The following OSBPL9 variants were observed in gnomAD, a reference collection of about 807,000 sequenced individuals.
OSBPL9 encodes oxysterol-binding protein-related protein 9.
OSBPL9 carries 40 observed loss-of-function variants against 106.6 expected under a neutral mutation model. The observed-to-expected ratio is 0.38, with a 90% CI of 0.29 to 0.49. OSBPL9 has a LOEUF of 0.49. OSBPL9 is among the 20% of genes least tolerant of loss of function. The pLI, the probability that OSBPL9 is intolerant of heterozygous loss-of-function variation, is 0.97. For synonymous variants in OSBPL9, 269 were observed against 295.4 expected (o/e 0.91, Z 0.92); for missense variants, 609 against 887.2 (o/e 0.69, Z 3.98).
intron 2 of OSBPL9, among the ~76,000 whole-genome samples, chr1:51,668,282 C>T (rs1648990909): frequency 6.6e-6 from 1 of 152,120 alleles, no homozygotes; most frequent in Non-Finnish European, 1.5e-5. Context: ...TTTCCTGTCT[C>T]TTATCTTAAT....
chr1:51,771,941 G>T, intron 12 of OSBPL9, 129 bp from the exon 13 acceptor site: 2 of 640,658 alleles, frequency 3.1e-6, no homozygotes, highest in Non-Finnish European at 5.4e-6. Context: ...TAAGACAAGA[G>T]ACCTTGTCAT....
At chr1:51,615,319 C>T (rs1644027020), upstream of OSBPL9, among the ~76,000 whole-genome samples, 1 of 152,164 alleles carries the variant, frequency 6.6e-6, no homozygotes, top group Admixed American at 6.5e-5. Context: ...TCTATACCAT[C>T]TAACTACTGA....
intron 1 of OSBPL9, among the ~76,000 whole-genome samples, chr1:51,638,122 A>C (rs950114136): frequency 2.9e-4 from 44 of 152,180 alleles, no homozygotes; most frequent in African/African-American, 1.0e-3. Context: ...AGAGACCCCC[A>C]AAATCACCAT....
At chr1:51,671,590 C>A (rs1313048783) in intron 3 of OSBPL9, among the ~76,000 whole-genome samples, 1 of 151,966 alleles carries the variant, frequency 6.6e-6, no homozygotes, top group Admixed American at 6.6e-5. Context: ...CTTGAGTCAT[C>A]CATTCCAGGA....
intron 4 of OSBPL9, among the ~76,000 whole-genome samples, chr1:51,737,469 C>G (rs2148968240): frequency 6.6e-6 from 1 of 151,430 alleles, no homozygotes; most frequent in South Asian, 2.1e-4. Flanking sequence ...TCTCACATGC[C>G]CTCATTCCTC....
the OSBPL9 span, among the ~76,000 whole-genome samples, chr1:51,541,001 C>T: frequency 1.1e-3 from 160 of 150,308 alleles, 1 homozygote; most frequent in African/African-American, 3.4e-3. Flanking sequence ...CATGGTGGCG[C>T]GCACCTGCAA....
chr1:51,678,867 G>A (rs1557678686), intron 3 of OSBPL9, among the ~76,000 whole-genome samples: 1 of 152,176 alleles, frequency 6.6e-6, no homozygotes, highest in African/African-American at 2.4e-5. Flanking sequence ...AACCATGGTT[G>A]CAGGCTTAAA....
chr1:51,682,675 C>G (rs1171717305), intron 3 of OSBPL9, among the ~76,000 whole-genome samples: 5 of 151,254 alleles, frequency 3.3e-5, no homozygotes, highest in East Asian at 2.0e-4. Context: ...GGAGATCGCT[C>G]GAACCCAGGA....
Position 51,745,518 on chromosome 1 carries a change from C to G in OSBPL9, c.319-18C>G, listed in dbSNP as rs59914789. On this transcript the variant is annotated intron_variant, in intron 4 of 23. Coordinates refer to ENST00000428468, the MANE Select transcript of OSBPL9 (RefSeq NM_024586.6). ...TGCTTGGGTTCTGGTAGATTTATTG[C>G]AAATTCTCTTTCTCTAGGGTTTGGA... The G allele has an allele frequency of 0.015, 24,674 of 1,608,178 alleles. 583 individuals are homozygous for G. Among genetic ancestry groups the G allele is most frequent in the African/African-American group, 0.075 (5,620 of 74,856 alleles).
At chr1:51,617,010 GC>G, upstream of OSBPL9, 1 of 1,472,360 alleles carries the variant, frequency 6.8e-7, no homozygotes, top group Non-Finnish European at 9.1e-7. Context: ...CCCAGGACCC[GC>G]CCAGGACCCG....
intron 1 of OSBPL9, among the ~76,000 whole-genome samples, chr1:51,623,134 G>A (rs981109131): frequency 1.3e-5 from 2 of 152,208 alleles, no homozygotes; most frequent in Admixed American, 1.3e-4. Context: ...ATGTTCTTAG[G>A]CAGAGCAGTT....
chr1:51,591,678 A>G (rs546899885), intron 1 of OSBPL9, among the ~76,000 whole-genome samples: 1 of 152,264 alleles, frequency 6.6e-6, no homozygotes, highest in African/African-American at 2.4e-5. Flanking sequence ...CTGTAATCCC[A>G]GCTACTCGGG....
chr1:51,622,861 C>T (rs180701352), intron 1 of OSBPL9, among the ~76,000 whole-genome samples: 13 of 152,278 alleles, frequency 8.5e-5, no homozygotes, highest in Non-Finnish European at 1.2e-4. Context: ...GAATTTCAGA[C>T]ATGAGGAGGG....
At chr1:51,533,812 AT>A in the OSBPL9 span, among the ~76,000 whole-genome samples, 5 of 131,410 alleles carry the variant, frequency 3.8e-5, no homozygotes, top group Admixed American at 7.4e-5. Context: ...ATGCCTGGGC[AT>A]TTTTTTTTCT....
intron 8 of OSBPL9, among the ~76,000 whole-genome samples, chr1:51,755,222 G>A (rs1670075606): frequency 6.6e-6 from 1 of 152,032 alleles, no homozygotes; most frequent in African/African-American, 2.4e-5. Flanking sequence ...CACCAAGATT[G>A]TACTCTAGGG....
At chr1:51,612,154 G>A (rs2148606479), upstream of OSBPL9, among the ~76,000 whole-genome samples, 1 of 152,236 alleles carries the variant, frequency 6.6e-6, no homozygotes, top group East Asian at 1.9e-4. Context: ...TAAATATACA[G>A]AATAGTATCT....
chr1:51,688,770 A>G (rs1450199820), intron 3 of OSBPL9, among the ~76,000 whole-genome samples: 1 of 152,180 alleles, frequency 6.6e-6, no homozygotes, highest in Non-Finnish European at 1.5e-5. Flanking sequence ...ACATTTTACT[A>G]TATATAGATT....
At chr1:51,634,826 T>A (rs1645323964) in intron 1 of OSBPL9, among the ~76,000 whole-genome samples, 1 of 152,074 alleles carries the variant, frequency 6.6e-6, no homozygotes, top group Non-Finnish European at 1.5e-5. Flanking sequence ...ACAATCGTGG[T>A]AGAAGGCGAA....
In OSBPL9 at chr1:51,727,734, G is replaced by A. The variant is rs142214375; in HGVS notation, c.318+13655G>A. On this transcript the variant is annotated intron_variant, in intron 4 of 23. Coordinates refer to ENST00000428468, the MANE Select transcript of OSBPL9 (RefSeq NM_024586.6). ...TAAAAAGAATAACTCAGGTAAGGTGGTGTGTGCGCCTGTAGTCCCAGCTAT... is the reference window on the plus strand; with the variant it reads ...TAAAAAGAATAACTCAGGTAAGGTGATGTGTGCGCCTGTAGTCCCAGCTAT... 1.6e-3 allele frequency among the ~76,000 whole-genome samples: 238 copies of A among 152,268 alleles called. 6 individuals are homozygous for A. Among genetic ancestry groups the A allele is most frequent in the Admixed American group, 0.014 (219 of 15,300 alleles).
Sources: gnomAD v4.1 joint callset for allele counts (sites outside exome capture counted in the v4.1 genomes callset) on GRCh38, gnomAD v4.1.1 for gene constraint, MANE v1.5 for transcripts, NCBI Gene and HGNC (gene_info 2026-07-23, HGNC 2026-07-21) for gene names.